The following STARD6 variants were observed in gnomAD, a reference collection of about 807,000 sequenced individuals.
STARD6 encodes StAR related lipid transfer domain containing 6.
Under a neutral mutation model 22.3 loss-of-function variants are expected in STARD6, and 21 were observed. The observed-to-expected ratio is 0.94, with a 90% CI of 0.67 to 1.35. The LOEUF is 1.35. Ranked by LOEUF, STARD6 falls within the 40% of genes most tolerant of loss-of-function variation. The pLI is 0.00. For missense variants in STARD6, 269 were observed against 266.9 expected, an observed-to-expected ratio of 1.01 and a Z score of -0.05; for synonymous variants, 80 against 88.1, an observed-to-expected ratio of 0.91 and a Z score of 0.52.
intron 1 of STARD6, among the ~76,000 whole-genome samples, 157 bp downstream of exon 1, chr18:54,357,635 C>T (rs1347401081): frequency 6.6e-6 from 1 of 152,192 alleles, no homozygotes; most frequent in Non-Finnish European, 1.5e-5. Flanking sequence ...AGTCCCCTCC[C>T]GCAGACCCCG....
intron 7 of STARD6, among the ~76,000 whole-genome samples, chr18:54,328,395 TG>T (rs2088841154): frequency 6.6e-6 from 1 of 152,248 alleles, no homozygotes; most frequent in African/African-American, 2.4e-5. Context: ...TTTACCTTGC[TG>T]AATTGGAGTA....
In STARD6 at chr18:54,337,178, T is replaced by A; in HGVS notation, c.214A>T (p.Ile72Phe). 6.2e-7 allele frequency: 1 copy of A among 1,613,556 alleles called. No individual in the cohort carries two copies. The highest frequency in any genetic ancestry group is 1.1e-5 in the South Asian group (1 of 91,040). The change falls in exon 5 of 8, where the codon ATT becomes TTT. Residue 72 changes from isoleucine (I) to phenylalanine (F), a missense_variant. Coordinates refer to ENST00000307844, the MANE Select transcript of STARD6 (RefSeq NM_139171.2). The stretch of plus-strand genomic sequence containing the variant: ...ACTTGCAATGATTTATCCCATGTAA[T>A]TCTGTCTCCAGTTTGGTAGAGGAAA... ...SDFLYQTGDR[I>F]TWDKSLQVYN...
At chr18:54,331,533 G>A (rs1568166979) in intron 6 of STARD6, among the ~76,000 whole-genome samples, 1 of 152,116 alleles carries the variant, frequency 6.6e-6, no homozygotes, top group African/African-American at 2.4e-5. Context: ...AAAAGTCTAA[G>A]AGATGTTGCA....
chr18:54,336,347 G>A (rs117873388), intron 5 of STARD6, among the ~76,000 whole-genome samples: 4,005 of 152,212 alleles, frequency 0.026, 70 homozygotes, highest in Non-Finnish European at 0.038. Flanking sequence ...AGGACCAGGT[G>A]GAGATAATTG....
At chr18:54,325,441 ATTT>A (rs2088817559) in intron 7 of STARD6, among the ~76,000 whole-genome samples, 1 of 151,986 alleles carries the variant, frequency 6.6e-6, no homozygotes, top group Admixed American at 6.6e-5. Context: ...TACAGACAGT[ATTT>A]CATTTTCTAT....
chr18:54,324,731 A>C lies in STARD6; in HGVS notation c.624T>G (p.Thr208=). ...TATGATGAAATCCACGTCTTGATGG[A>C]GTTCTGTGTGCCTTTATTCCATCTT... ...NAKDGIKAHR[T]PSRRGFHHNS... Residue 208 remains threonine (T), a synonymous_variant, in exon 8 of 8, where the codon ACT becomes ACG. Transcript: ENST00000307844. 1 of 1,613,040 alleles carries C rather than the reference A, an allele frequency of 6.2e-7. No homozygotes were observed. The highest frequency in any genetic ancestry group is 8.5e-7 in the Non-Finnish European group (1 of 1,179,588).
intron 6 of STARD6, 21 bp downstream of exon 6, chr18:54,331,721 G>T: frequency 6.5e-7 from 1 of 1,538,520 alleles, no homozygotes; most frequent in Non-Finnish European, 8.9e-7. Flanking sequence ...TCCAAGATAT[G>T]GGCAAAATGT....
chr18:54,331,943 A>G (rs1033801050), intron 5 of STARD6, 84 bp from the exon 6 acceptor site: 1 of 891,830 alleles, frequency 1.1e-6, no homozygotes, highest in Non-Finnish European at 1.7e-6. Flanking sequence ...TTTATTGCAT[A>G]TGATTGGCCT....
At chr18:54,337,042 T>A (rs996452650) in intron 5 of STARD6, 83 bp downstream of exon 5, 18 of 1,257,034 alleles carry the variant, frequency 1.4e-5, no homozygotes, top group Admixed American at 6.8e-5. Flanking sequence ...TGTGTCTACA[T>A]AACATAGTTT....
At chr18:54,353,284 A>G (rs906743862) in intron 4 of STARD6, among the ~76,000 whole-genome samples, 33 of 152,222 alleles carry the variant, frequency 2.2e-4, no homozygotes, top group Non-Finnish European at 4.4e-5. Context: ...AAAAAAGTCA[A>G]TATACTTTCC....
chr18:54,336,368 G>A (rs2088912500), intron 5 of STARD6, among the ~76,000 whole-genome samples: 1 of 152,146 alleles, frequency 6.6e-6, no homozygotes, highest in Non-Finnish European at 1.5e-5. Context: ...GATCATGGGG[G>A]TGGTTTCCCG....
chr18:54,353,661 G>A (rs2089117616), intron 4 of STARD6, among the ~76,000 whole-genome samples: 1 of 152,122 alleles, frequency 6.6e-6, no homozygotes, highest in Non-Finnish European at 1.5e-5. Context: ...CCTGTCTCAA[G>A]AAAATAAAAT....
chr18:54,346,559 T>C (rs1305137928), intron 4 of STARD6, among the ~76,000 whole-genome samples: 1 of 152,010 alleles, frequency 6.6e-6, no homozygotes, highest in Non-Finnish European at 1.5e-5. Flanking sequence ...CAGTCCTAGA[T>C]CTATAGCCAA....
At chr18:54,355,207 C>A (rs1271311829) in intron 2 of STARD6, among the ~76,000 whole-genome samples, 1 of 152,096 alleles carries the variant, frequency 6.6e-6, no homozygotes, top group Non-Finnish European at 1.5e-5. Flanking sequence ...CAATTTCTGA[C>A]TTCAGGTTCT....
chr18:54,349,305 C>G (rs1292600426), intron 4 of STARD6, among the ~76,000 whole-genome samples: 1 of 151,918 alleles, frequency 6.6e-6, no homozygotes, highest in Non-Finnish European at 1.5e-5. Flanking sequence ...TGACATTAGC[C>G]TTGGAAACAT....
intron 2 of STARD6, chr18:54,355,993 G>A (rs899985278): frequency 9.9e-5 from 15 of 152,240 alleles, no homozygotes; most frequent in Admixed American, 1.3e-4. Context: ...CTATCTCACC[G>A]AATCATTATA....
chr18:54,354,418 C>T, intron 3 of STARD6, 66 bp downstream of exon 3: 1 of 1,394,776 alleles, frequency 7.2e-7, no homozygotes, highest in Non-Finnish European at 1.0e-6. Context: ...TTAAAAAAGT[C>T]TTTACAATGA....
Position 54,324,825 on chromosome 18 carries a change from C to G in STARD6, c.530G>C (p.Gly177Ala), listed in dbSNP as rs753010671. 1 of 1,603,116 alleles carries G rather than the reference C, an allele frequency of 6.2e-7. No homozygotes were observed. The highest frequency in any genetic ancestry group is 2.3e-5 in the East Asian group (1 of 44,128). ...LVMFVQTEMR[G>A]KLSPSIIEKT... The stretch of plus-strand genomic sequence containing the variant: ...TTCAATTATTGATGGGGACAATTTT[C>G]CTCTCATTTCTGTCTGGACAAACAT... Residue 177 changes from glycine to alanine, a missense_variant, in exon 8 of 8, where the codon GGA becomes GCA. Physicochemically the swap from Gly to Ala is moderately conservative, Grantham distance 60 (BLOSUM62 0). Coordinates refer to ENST00000307844, the MANE Select transcript of STARD6 (RefSeq NM_139171.2).
intron 1 of STARD6, among the ~76,000 whole-genome samples, chr18:54,356,701 T>A (rs2089147545): frequency 6.6e-6 from 1 of 152,184 alleles, no homozygotes. Context: ...GGAACGTGGA[T>A]ACAAAAATTT....
Sources: gnomAD v4.1 joint callset for allele counts (sites outside exome capture counted in the v4.1 genomes callset) on GRCh38, gnomAD v4.1.1 for gene constraint, MANE v1.5 for transcripts, NCBI Gene and HGNC (gene_info 2026-07-23, HGNC 2026-07-21) for gene names.